Variants in PXDNL observed in about 807,000 individuals in gnomAD.
PXDNL encodes the protein probable oxidoreductase PXDNL.
A neutral mutation model predicts 150.8 loss-of-function variants in PXDNL; 145 were observed. The observed-to-expected ratio is 0.96, with a 90% CI of 0.84 to 1.10. The LOEUF (loss-of-function observed/expected upper bound fraction) is 1.10. Ranked by LOEUF, PXDNL falls within the 50% of genes least tolerant of loss-of-function variation. PXDNL has a pLI of 0.00. For missense variants in PXDNL, 2,087 were observed against 1,873.9 expected, an observed-to-expected ratio of 1.11 and a Z score of -2.10; for synonymous variants, 757 against 725.7, an observed-to-expected ratio of 1.04 and a Z score of -0.69.
chr8:51,685,225 G>A (rs557560978), intron 1 of PXDNL, among the ~76,000 whole-genome samples: 4 of 151,980 alleles, frequency 2.6e-5, no homozygotes, highest in Admixed American at 6.5e-5. Flanking sequence ...GGTGAGTTCT[G>A]GGCTCAGATC....
chr8:51,452,356 G>A (rs1809825225), intron 10 of PXDNL, among the ~76,000 whole-genome samples: 1 of 152,190 alleles, frequency 6.6e-6, no homozygotes, highest in South Asian at 2.1e-4. Context: ...TCATTTCTGT[G>A]CCTTCTTATT....
At chr8:51,574,100 A>G (rs1048435152) in intron 3 of PXDNL, among the ~76,000 whole-genome samples, 1 of 152,064 alleles carries the variant, frequency 6.6e-6, no homozygotes, top group African/African-American at 2.4e-5. Flanking sequence ...GATGACAGAG[A>G]CGTTAGGATT....
At chr8:51,341,233 C>T (rs1173321548) in intron 20 of PXDNL, among the ~76,000 whole-genome samples, 1 of 152,142 alleles carries the variant, frequency 6.6e-6, no homozygotes, top group African/African-American at 2.4e-5. Context: ...AGAGGTATAA[C>T]CTTGTATTTA....
chr8:51,751,760 C>T (rs543497718), intron 1 of PXDNL, among the ~76,000 whole-genome samples: 2 of 152,294 alleles, frequency 1.3e-5, no homozygotes, highest in South Asian at 4.1e-4. Context: ...TAATTCTACC[C>T]AGTCCTCAAT....
At chr8:51,376,643 G>C (rs1462075427) in intron 17 of PXDNL, among the ~76,000 whole-genome samples, 1 of 152,046 alleles carries the variant, frequency 6.6e-6, no homozygotes, top group East Asian at 1.9e-4. Context: ...CTACAGGGAA[G>C]TGCAGTCTTT....
At chr8:51,620,607 G>A (rs1461536619) in intron 2 of PXDNL, among the ~76,000 whole-genome samples, 2 of 151,264 alleles carry the variant, frequency 1.3e-5, no homozygotes, top group African/African-American at 2.4e-5. Flanking sequence ...GCAGTGGCAC[G>A]ATCTCGGCTC....
At chr8:51,479,549 T>C (rs558479121) in intron 6 of PXDNL, among the ~76,000 whole-genome samples, 13 of 152,322 alleles carry the variant, frequency 8.5e-5, no homozygotes, top group African/African-American at 3.1e-4. Context: ...AAGAAAACTT[T>C]GGCAAAAAGC....
chr8:51,641,322 G>A (rs377506369), intron 2 of PXDNL, among the ~76,000 whole-genome samples: 1,616 of 148,844 alleles, frequency 0.011, 26 homozygotes, highest in African/African-American at 0.04. Flanking sequence ...AAACACCAAA[G>A]GCAATGGCAA....
At chr8:51,533,109 AT>A (rs1488551088) in intron 4 of PXDNL, among the ~76,000 whole-genome samples, 3 of 152,354 alleles carry the variant, frequency 2.0e-5, no homozygotes, top group African/African-American at 2.4e-5. Flanking sequence ...CTTTTAAAAA[AT>A]ATCACCAAGT....
chr8:51,587,381 C>A (rs546775698), intron 3 of PXDNL, among the ~76,000 whole-genome samples: 1 of 152,212 alleles, frequency 6.6e-6, no homozygotes, highest in South Asian at 2.1e-4. Context: ...TATTCTCAAA[C>A]AATTGTATTT....
intron 17 of PXDNL, among the ~76,000 whole-genome samples, chr8:51,396,723 A>G (rs529704887): frequency 6.6e-6 from 1 of 152,340 alleles, no homozygotes; most frequent in East Asian, 1.9e-4. Context: ...GCACCATTGC[A>G]TTCCAGCCTG....
chr8:51,765,470 G>A (rs2037218326), intron 1 of PXDNL, among the ~76,000 whole-genome samples: 3 of 152,118 alleles, frequency 2.0e-5, no homozygotes, highest in Non-Finnish European at 4.4e-5. Flanking sequence ...TTTATCAGCA[G>A]CATGAAAACT....
At chr8:51,490,625 C>CAT (rs34839954) in intron 5 of PXDNL, among the ~76,000 whole-genome samples, 18,139 of 148,524 alleles carry the variant, frequency 0.12, 1,393 homozygotes, top group African/African-American at 0.21. Flanking sequence ...TTATGAGTCA[C>CAT]ATATATATAT....
chr8:51,508,917 C>G (rs973364198), intron 4 of PXDNL, among the ~76,000 whole-genome samples: 8 of 152,164 alleles, frequency 5.3e-5, no homozygotes, highest in Non-Finnish European at 7.3e-5. Flanking sequence ...CCTTTTACTT[C>G]TTTCTTTCTC....
intron 4 of PXDNL, among the ~76,000 whole-genome samples, chr8:51,525,503 T>G (rs922173991): frequency 6.6e-6 from 1 of 152,186 alleles, no homozygotes; most frequent in African/African-American, 2.4e-5. Context: ...ATATAACATC[T>G]CTTTTCCCTC....
chr8:51,402,872 C>T (rs377001958), intron 17 of PXDNL, among the ~76,000 whole-genome samples: 3 of 151,298 alleles, frequency 2.0e-5, no homozygotes, highest in South Asian at 2.1e-4. Context: ...ACCATCCTGG[C>T]TAACATGGTA....
At chr8:51,768,446 TA>T (rs1354136652) in intron 1 of PXDNL, among the ~76,000 whole-genome samples, 13 of 152,126 alleles carry the variant, frequency 8.5e-5, no homozygotes, top group African/African-American at 2.7e-4. Flanking sequence ...TCTGCTATAA[TA>T]GGGGTAAATA....
At chr8:51,726,860 T>G (rs16916762) in intron 1 of PXDNL, among the ~76,000 whole-genome samples, 3,732 of 152,330 alleles carry the variant, frequency 0.024, 155 homozygotes, top group African/African-American at 0.084. Flanking sequence ...ATAATCTACC[T>G]GAATAAAGTT....
At chr8:51,510,493 A>C (rs1811389163) in intron 4 of PXDNL, among the ~76,000 whole-genome samples, 2 of 152,350 alleles carry the variant, frequency 1.3e-5, no homozygotes, top group African/African-American at 2.4e-5. Context: ...ATAGACACTG[A>C]GGTTGGCTCA....
Sources: allele counts gnomAD v4.1 joint callset (sites outside exome capture counted in the v4.1 genomes callset), GRCh38; gene constraint gnomAD v4.1.1; transcripts MANE v1.5; gene names NCBI Gene and HGNC (gene_info 2026-07-23, HGNC 2026-07-21).